Variants in ARHGAP32 observed in about 807,000 individuals in gnomAD.
ARHGAP32 encodes the protein Rho GTPase activating protein 32.
A neutral mutation model predicts 186.5 loss-of-function variants in ARHGAP32; 51 were observed. The ratio of observed to expected loss-of-function variants is 0.27; its 90% CI spans 0.22 to 0.35. The LOEUF is 0.35. ARHGAP32 is among the 10% of genes least tolerant of loss of function. The probability of loss-of-function intolerance (pLI) is 1.00; values close to 1 mark genes in which losing one functional copy is unlikely to be tolerated. For missense variants in ARHGAP32, 2,186 were observed against 2,623.5 expected (o/e 0.83, Z 3.64); for synonymous variants, 950 against 964.3 (o/e 0.99, Z 0.27).
intron 1 of ARHGAP32, among the ~76,000 whole-genome samples, chr11:129,253,863 T>C (rs1945218736): frequency 6.6e-6 from 1 of 152,158 alleles, no homozygotes; most frequent in Admixed American, 6.6e-5. Flanking sequence ...TCACCATATG[T>C]ACCTGATCCA....
intron 1 of ARHGAP32, among the ~76,000 whole-genome samples, chr11:129,219,004 G>C (rs1452933312): frequency 2.6e-5 from 4 of 152,172 alleles, no homozygotes; most frequent in South Asian, 2.1e-4. Flanking sequence ...ACCCTTCAGG[G>C]AGCACTAAAG....
At chr11:129,116,158 G>A (rs1942363067) in intron 5 of ARHGAP32, among the ~76,000 whole-genome samples, 2 of 152,040 alleles carry the variant, frequency 1.3e-5, no homozygotes, top group African/African-American at 2.4e-5. Context: ...GAGAATGTGT[G>A]TAGTGTGTCT....
chr11:128,980,769 T>C lies in ARHGAP32; in HGVS notation c.1781-21A>G, dbSNP rs368842037. The C allele has an allele frequency of 1.9e-5, 30 of 1,562,700 alleles. No individual in the cohort carries two copies. In the African/African-American group the frequency reaches 3.8e-4, roughly 20 times the overall value. ...AGAAGCTTCAAAAAGAAAAGGAAGC[T>C]GATGAAGAGAGTCAACTACGTGAGT... is the stretch of plus-strand genomic sequence containing the variant. On this transcript the variant is annotated intron_variant, in intron 17 of 22. Coordinates refer to ENST00000682385, the MANE Select transcript of ARHGAP32 (RefSeq NM_001378024.1).
intron 5 of ARHGAP32, among the ~76,000 whole-genome samples, chr11:129,099,707 A>G (rs761782987): frequency 4.6e-4 from 70 of 152,210 alleles, no homozygotes; most frequent in Admixed American, 3.3e-4. Flanking sequence ...AGAATAGTAT[A>G]TGATAATAGA....
At chr11:129,263,707 GAGGAA>G (rs779795694) in intron 1 of ARHGAP32, among the ~76,000 whole-genome samples, 46 of 151,766 alleles carry the variant, frequency 3.0e-4, no homozygotes, top group African/African-American at 7.5e-4. Context: ...AAAGAGGAAA[GAGGAA>G]AGGAAAGGAA....
intron 5 of ARHGAP32, among the ~76,000 whole-genome samples, chr11:129,122,305 C>G (rs1335474830): frequency 6.6e-6 from 1 of 151,284 alleles, no homozygotes; most frequent in African/African-American, 2.4e-5. Flanking sequence ...TTACTGCCCC[C>G]AAAAGAGTTC....
At chr11:129,051,856 G>A (rs1277388925) in intron 10 of ARHGAP32, among the ~76,000 whole-genome samples, 2 of 149,178 alleles carry the variant, frequency 1.3e-5, no homozygotes, top group Non-Finnish European at 3.0e-5. Context: ...TCGGGAAGCT[G>A]AAGTGGGAGA....
chr11:129,270,281 T>C (rs1945457765), intron 1 of ARHGAP32, among the ~76,000 whole-genome samples: 1 of 152,212 alleles, frequency 6.6e-6, no homozygotes, highest in African/African-American at 2.4e-5. Context: ...CTACATACTC[T>C]ATGATTCTAA....
intron 10 of ARHGAP32, among the ~76,000 whole-genome samples, chr11:129,041,527 T>C (rs1591557573): frequency 6.8e-6 from 1 of 147,454 alleles, no homozygotes; most frequent in African/African-American, 2.5e-5. Flanking sequence ...CTAAAATAAA[T>C]GTGTAAAATA....
At chr11:129,254,090 G>A (rs565040964) in intron 1 of ARHGAP32, among the ~76,000 whole-genome samples, 104 of 152,106 alleles carry the variant, frequency 6.8e-4, no homozygotes, top group African/African-American at 2.4e-3. Context: ...AGCTTTAGAT[G>A]CCTAACTCAC....
intron 12 of ARHGAP32, among the ~76,000 whole-genome samples, chr11:128,988,463 G>C (rs1184046893): frequency 6.6e-6 from 1 of 152,144 alleles, no homozygotes; most frequent in Non-Finnish European, 1.5e-5. Context: ...GAACTGTTTA[G>C]TCCTAACACC....
At chr11:129,006,041 G>T (rs532859076) in intron 11 of ARHGAP32, among the ~76,000 whole-genome samples, 18 of 151,926 alleles carry the variant, frequency 1.2e-4, no homozygotes, top group African/African-American at 3.9e-4. Context: ...TCAGTATTTC[G>T]ATTGCATTTC....
intron 5 of ARHGAP32, among the ~76,000 whole-genome samples, chr11:129,111,767 T>C (rs1244880092): frequency 6.6e-6 from 1 of 152,044 alleles, no homozygotes; most frequent in Non-Finnish European, 1.5e-5. Flanking sequence ...TTTTTCCCCC[T>C]TTCTTTTTTT....
At chr11:128,975,089 T>C in intron 20 of ARHGAP32, 87 bp from the exon 21 acceptor site, 1 of 1,079,556 alleles carries the variant, frequency 9.3e-7, no homozygotes, top group South Asian at 1.6e-5. Flanking sequence ...CAGCAGTAAC[T>C]TACTATCTAG....
chr11:128,994,067 A>G (rs1946133166), intron 12 of ARHGAP32, among the ~76,000 whole-genome samples: 1 of 152,222 alleles, frequency 6.6e-6, no homozygotes, highest in Admixed American at 6.5e-5. Flanking sequence ...TGGAAACATA[A>G]CTGAAACTTC....
chr11:129,025,258 T>C (rs1163962463), intron 11 of ARHGAP32, among the ~76,000 whole-genome samples: 1 of 152,204 alleles, frequency 6.6e-6, no homozygotes, highest in Non-Finnish European at 1.5e-5. Flanking sequence ...AGAGATGAGA[T>C]ATCCAGGGAG....
At chr11:129,130,346 A>T (rs1363288365) in intron 2 of ARHGAP32, among the ~76,000 whole-genome samples, 3 of 152,094 alleles carry the variant, frequency 2.0e-5, no homozygotes, top group Non-Finnish European at 4.4e-5. Flanking sequence ...TCAGGATGGA[A>T]ATTCATTCAT....
intron 1 of ARHGAP32, among the ~76,000 whole-genome samples, chr11:129,268,395 G>A (rs559433004): frequency 1.3e-5 from 2 of 151,956 alleles, no homozygotes; most frequent in African/African-American, 2.4e-5. Flanking sequence ...AAAGTTAATC[G>A]GTCATGTGAA....
intron 1 of ARHGAP32, among the ~76,000 whole-genome samples, chr11:129,203,938 TATA>T (rs890360264): frequency 1.4e-5 from 2 of 147,958 alleles, no homozygotes; most frequent in African/African-American, 4.9e-5. Context: ...CATAATTATA[TATA>T]ATTTTATACA....
Sources: gnomAD v4.1 joint callset for allele counts (sites outside exome capture counted in the v4.1 genomes callset) on GRCh38, gnomAD v4.1.1 for gene constraint, MANE v1.5 for transcripts, NCBI Gene and HGNC (gene_info 2026-07-23, HGNC 2026-07-21) for gene names.